ARHGAP29: variants seen among roughly 807,000 people sequenced by gnomAD.
ARHGAP29 encodes the protein Rho GTPase activating protein 29, also known as rho GTPase-activating protein 29.
ARHGAP29 carries 43 observed loss-of-function variants against 122.6 expected under a neutral mutation model. The observed-to-expected ratio is 0.35, with a 90% CI of 0.27 to 0.45. ARHGAP29 has a LOEUF of 0.45. Ranked by LOEUF, ARHGAP29 falls within the 20% of genes least tolerant of loss-of-function variation. The pLI is 1.00. For missense variants in ARHGAP29, 1,303 were observed against 1,477.2 expected, an observed-to-expected ratio of 0.88 and a Z score of 1.93; for synonymous variants, 506 against 497.1, an observed-to-expected ratio of 1.02 and a Z score of -0.24.
intron 1 of ARHGAP29, among the ~76,000 whole-genome samples, chr1:94,274,089 C>T (rs140688162): frequency 1.2e-3 from 182 of 152,254 alleles, no homozygotes; most frequent in African/African-American, 4.1e-3. Flanking sequence ...GATTTAGAGA[C>T]GCTAAGCAAT....
chr1:94,177,711 T>C lies in ARHGAP29; in HGVS notation c.2806A>G (p.Thr936Ala), dbSNP rs750580170. 56 of 1,611,038 alleles carry C rather than the reference T, an allele frequency of 3.5e-5. 1 individual carries two copies. The highest frequency in any genetic ancestry group is 4.2e-5 in the Non-Finnish European group (50 of 1,178,942). ...AAAATTTTGCTTTCACTCTCTGAAG[T>C]ATGGATATCCTGTTGATGCAAGATA... is the stretch of plus-strand genomic sequence containing the variant. ...LFFSSKEDIHTSESESKIFER... is the reference protein window; with the variant it reads ...LFFSSKEDIHASESESKIFER... The change falls in exon 22 of 23, where the codon ACT (threonine) becomes GCT (alanine). Residue 936 changes from threonine (T) to alanine (A), a missense_variant. Around this residue, in one of 3 missense-constraint regions of ARHGAP29, gnomAD observed 620 missense variants for 651.2 expected, o/e 0.95. Coordinates refer to ENST00000260526, the MANE Select transcript of ARHGAP29 (RefSeq NM_004815.4).
At position 94,170,639 on chromosome 1, in the gene ARHGAP29, A is replaced by G. The variant is rs2101285061; in HGVS notation, c.*3230T>C. Among the ~76,000 whole-genome samples the G allele has an allele frequency of 6.6e-6, 1 of 152,346 alleles. No homozygotes were observed. The highest frequency in any genetic ancestry group is 1.5e-5 in the Non-Finnish European group (1 of 68,028). On this transcript the variant is annotated 3_prime_UTR_variant, in exon 23 of 23. Coordinates refer to ENST00000260526, the MANE Select transcript of ARHGAP29 (RefSeq NM_004815.4). ...ATGCCCTTGTCTTAAGGAAACACAC[A>G]GTAGATAGAGGTAATAATGCAAAAA...
At chr1:94,255,321 C>A (rs1016669693) in intron 1 of ARHGAP29, among the ~76,000 whole-genome samples, 15 of 152,162 alleles carry the variant, frequency 9.9e-5, no homozygotes, top group African/African-American at 3.4e-4. Flanking sequence ...AAGAAACCAA[C>A]CATGCTGACA....
At chr1:94,247,703 A>ACACCACCACCACCACCACCAC (rs568949677) in intron 1 of ARHGAP29, among the ~76,000 whole-genome samples, 11 of 150,926 alleles carry the variant, frequency 7.3e-5, no homozygotes, top group African/African-American at 2.4e-4. Flanking sequence ...GCAGCCACAG[A>ACACCACCACCACCACCACCAC]CACCACCACC....
intron 1 of ARHGAP29, among the ~76,000 whole-genome samples, chr1:94,247,674 G>A (rs1489192266): frequency 6.6e-6 from 1 of 151,548 alleles, no homozygotes; most frequent in Non-Finnish European, 1.5e-5. Context: ...GCCCGCAGAC[G>A]CCCGGCCAAG....
At chr1:94,260,830 A>G (rs1388065815) in intron 1 of ARHGAP29, among the ~76,000 whole-genome samples, 1 of 152,186 alleles carries the variant, frequency 6.6e-6, no homozygotes, top group East Asian at 1.9e-4. Flanking sequence ...AAGGCAGCTG[A>G]TGCTGGTGTC....
intron 2 of ARHGAP29, among the ~76,000 whole-genome samples, chr1:94,225,401 G>T (rs1356020929): frequency 6.6e-6 from 1 of 151,960 alleles, no homozygotes; most frequent in Non-Finnish European, 1.5e-5. Context: ...CAAATAAGTA[G>T]AAATAAAGCT....
At chr1:94,226,357 T>C (rs184116560) in intron 2 of ARHGAP29, among the ~76,000 whole-genome samples, 7 of 152,070 alleles carry the variant, frequency 4.6e-5, no homozygotes. Flanking sequence ...TTTACATATA[T>C]AAACTCATTT....
upstream of ARHGAP29, among the ~76,000 whole-genome samples, chr1:94,276,245 G>A (rs1308500422): frequency 2.6e-5 from 4 of 151,150 alleles, no homozygotes; most frequent in Admixed American, 1.3e-4. Context: ...GTGACCGAGC[G>A]AGACTCTGTC....
intron 20 of ARHGAP29, among the ~76,000 whole-genome samples, chr1:94,179,078 C>A (rs1440788991): frequency 6.6e-6 from 1 of 152,162 alleles, no homozygotes; most frequent in African/African-American, 2.4e-5. Flanking sequence ...TATTTGTCTG[C>A]AGATCTGTCC....
At chr1:94,288,380 G>C in the ARHGAP29 span, among the ~76,000 whole-genome samples, 1 of 152,062 alleles carries the variant, frequency 6.6e-6, no homozygotes, top group Non-Finnish European at 1.5e-5. Context: ...TAAGTTCTTT[G>C]TAGATTCTGG....
At chr1:94,236,335 G>A (rs184208616) in intron 1 of ARHGAP29, among the ~76,000 whole-genome samples, 1 of 152,332 alleles carries the variant, frequency 6.6e-6, no homozygotes, top group East Asian at 1.9e-4. Flanking sequence ...CTGGCAGGCA[G>A]TACTCTCCTT....
At chr1:94,281,135 A>C in the ARHGAP29 span, among the ~76,000 whole-genome samples, 1 of 152,216 alleles carries the variant, frequency 6.6e-6, no homozygotes, top group Non-Finnish European at 1.5e-5. Flanking sequence ...GACACAAAAA[A>C]CAGTGGAATA....
Position 94,205,176 on chromosome 1 carries a change from T to G in ARHGAP29, c.582A>C (p.Leu194=). The change falls in exon 7 of 23, where the codon CTA becomes CTC. Residue 194 remains leucine (L), a synonymous_variant. Coordinates refer to ENST00000260526, the MANE Select transcript of ARHGAP29 (RefSeq NM_004815.4). ...SEKGNFSPLE[L]DNVLLKNTDS... Reference sequence around the variant, plus strand: ...CAGTGTTCTTTAACAGCACGTTGTCTAGTTCTAAAGGGGAAAAATTTCCTG... The same window carrying G: ...CAGTGTTCTTTAACAGCACGTTGTCGAGTTCTAAAGGGGAAAAATTTCCTG... The G allele has an allele frequency of 6.3e-7, 1 of 1,598,290 alleles. No individual in the cohort carries two copies.
chr1:94,212,538 T>C (rs542982281), intron 3 of ARHGAP29, among the ~76,000 whole-genome samples: 21 of 152,346 alleles, frequency 1.4e-4, no homozygotes, highest in African/African-American at 5.0e-4. Flanking sequence ...TGTTAAAAAA[T>C]AGTTTATAAC....
At chr1:94,282,287 ATTTATTTATT>A in the ARHGAP29 span, among the ~76,000 whole-genome samples, 1 of 148,386 alleles carries the variant, frequency 6.7e-6, no homozygotes, top group African/African-American at 2.6e-5. Context: ...TTATTTATTT[ATTTATTTATT>A]TATTTTTGAG....
rs770096777 is a variant in ARHGAP29 at position 94,201,757 on chromosome 1, C to T, written c.1244G>A (p.Arg415Gln). 1.6e-5 allele frequency: 26 copies of T among 1,613,748 alleles called. No homozygotes were observed. The highest frequency in any genetic ancestry group is 5.5e-5 in the South Asian group (5 of 91,026). Residue 415 changes from arginine to glutamine, a missense_variant, in exon 12 of 23, where the codon CGG (arginine) becomes CAG (glutamine). Physicochemically the swap from Arg to Gln is conservative, Grantham distance 43. Coordinates refer to ENST00000260526, the MANE Select transcript of ARHGAP29 (RefSeq NM_004815.4). The part of the protein sequence containing the change: ...NTKREILAQL[R>Q]TLVFQCDLTL... ...AAGATCACACTGGAAAACAAGTGTC[C>T]GGAGTTGTGCTAAAATTTCTCTTTT...
At position 94,173,911 on chromosome 1, in the gene ARHGAP29, T is replaced by A. The variant is rs759401331; in HGVS notation, c.3744A>T (p.Gln1248His). 2.5e-5 allele frequency: 41 copies of A among 1,611,944 alleles called. No individual in the cohort carries two copies. The South Asian group carries it at 4.4e-4, about 17-fold the overall frequency. Residue 1248 changes from glutamine (Q) to histidine (H), a missense_variant, in exon 23 of 23, where the codon CAA becomes CAT. This residue lies in a region of ARHGAP29 where 620 missense variants were observed against 651.2 expected (regional missense o/e 0.95). Transcript: ENST00000260526. ...TTTCACCTTCGAGGTCTTCAAACTG[T>A]TGCATTCGTTTTAGCCTTGGTCTCT... ...MCQRPRLKRM[Q>H]QFEDLEGEIP...
intron 12 of ARHGAP29, among the ~76,000 whole-genome samples, chr1:94,196,256 CTT>C (rs917635883): frequency 1.4e-3 from 126 of 91,124 alleles, no homozygotes; most frequent in African/African-American, 5.5e-3. Context: ...CCGTGTTTTT[CTT>C]TTTTTTTTTT....
Sources: gnomAD v4.1 joint callset for allele counts (sites outside exome capture counted in the v4.1 genomes callset) on GRCh38, gnomAD v4.1.1 for gene constraint, gnomAD v4.1.1 regional missense constraint, MANE v1.5 for transcripts, NCBI Gene and HGNC (gene_info 2026-07-23, HGNC 2026-07-21) for gene names.